KCNH8: variants seen among roughly 807,000 people sequenced by gnomAD.
KCNH8 encodes potassium voltage-gated channel subfamily H member 8.
KCNH8 carries 70 observed loss-of-function variants against 103.6 expected under a neutral mutation model. That is an observed-to-expected ratio of 0.68 (90% CI 0.56 to 0.82). The LOEUF (loss-of-function observed/expected upper bound fraction) is 0.82. KCNH8 is among the 40% of genes least tolerant of loss of function. KCNH8 has a pLI of 0.00. For missense variants in KCNH8, 1,217 were observed against 1,329.9 expected (o/e 0.92, Z 1.32); for synonymous variants, 498 against 489.4 (o/e 1.02, Z -0.23).
intron 1 of KCNH8, among the ~76,000 whole-genome samples, chr3:19,190,630 G>A (rs958195358): frequency 2.6e-5 from 4 of 151,910 alleles, no homozygotes; most frequent in Admixed American, 1.3e-4. Flanking sequence ...TAGCTGCATG[G>A]ACAAGAAGCC....
At chr3:19,503,583 G>A (rs1365659014) in intron 11 of KCNH8, among the ~76,000 whole-genome samples, 1 of 152,060 alleles carries the variant, frequency 6.6e-6, no homozygotes, top group African/African-American at 2.4e-5. Flanking sequence ...ATACACCATG[G>A]AATACTATGC....
At chr3:19,307,107 A>C (rs2065140198) in intron 3 of KCNH8, among the ~76,000 whole-genome samples, 1 of 151,966 alleles carries the variant, frequency 6.6e-6, no homozygotes, top group South Asian at 2.1e-4. Context: ...AGTGCCTAGA[A>C]TACTCACTGA....
chr3:19,486,503 G>C (rs2068212733), intron 11 of KCNH8, among the ~76,000 whole-genome samples: 1 of 152,228 alleles, frequency 6.6e-6, no homozygotes, highest in Non-Finnish European at 1.5e-5. Context: ...CCGGCCTTTG[G>C]AAACCCCATC....
chr3:19,336,464 TGAAAA>T lies in KCNH8; in HGVS notation c.443-6119_443-6115del, dbSNP rs898447474. ...CTGTTATGAATGTTCCATGAGCATA[TGAAAA>T]GAAGAGAAATTCTTTCTTTGGTAGA... is the stretch of plus-strand genomic sequence containing the variant. On this transcript the variant is annotated intron_variant, in intron 3 of 15. Coordinates refer to ENST00000328405, the MANE Select transcript of KCNH8 (RefSeq NM_144633.3). Among the ~76,000 whole-genome samples the T allele has an allele frequency of 3.9e-5, 6 of 152,026 alleles. No homozygotes were observed. The East Asian group carries it at 1.2e-3, about 29-fold the overall frequency.
At chr3:19,176,473 T>A (rs2063400750) in intron 1 of KCNH8, among the ~76,000 whole-genome samples, 2 of 152,160 alleles carry the variant, frequency 1.3e-5, no homozygotes, top group Admixed American at 1.3e-4. Context: ...TTGTGGTTAG[T>A]AGTGCATTTA....
chr3:19,362,901 C>CT (rs2065965478), intron 5 of KCNH8, among the ~76,000 whole-genome samples: 2 of 152,126 alleles, frequency 1.3e-5, no homozygotes, highest in Admixed American at 6.6e-5. Context: ...ATCCTCCCCC[C>CT]TTAGCCTCCC....
intron 7 of KCNH8, among the ~76,000 whole-genome samples, chr3:19,430,623 A>C (rs2067106463): frequency 6.6e-6 from 1 of 152,130 alleles, no homozygotes; most frequent in South Asian, 2.1e-4. Flanking sequence ...TGAGCATAGA[A>C]TGTTTTCCAT....
chr3:19,253,527 C>T, intron 1 of KCNH8, 127 bp from the exon 2 acceptor site: 1 of 730,132 alleles, frequency 1.4e-6, no homozygotes, highest in South Asian at 1.7e-5. Flanking sequence ...CTCTTTTCCA[C>T]TGCAGCACAT....
rs763822535 is a variant in KCNH8, at chr3:19,533,462, A to G, written c.2687A>G (p.Glu896Gly). The G allele has an allele frequency of 5.9e-5, 96 of 1,614,014 alleles. No individual in the cohort carries two copies. The highest frequency in any genetic ancestry group is 1.3e-4 in the Admixed American group (8 of 60,004). ...ATGAGAAATGTGATCCAGCTTCTGG[A>G]AAACGTTCTGTCACCTCAGCAGCCA... is the stretch of plus-strand genomic sequence containing the variant. ...KDMRNVIQLL[E>G]NVLSPQQPSR... Residue 896 changes from glutamate to glycine, a missense_variant, in exon 16 of 16, where the codon GAA becomes GGA. Glu to Gly is a moderately conservative substitution (Grantham distance 98). Coordinates refer to ENST00000328405, the MANE Select transcript of KCNH8 (RefSeq NM_144633.3).
intron 7 of KCNH8, 125 bp downstream of exon 7, chr3:19,395,436 A>T (rs1396032148): frequency 1.9e-5 from 12 of 618,274 alleles, no homozygotes; most frequent in Non-Finnish European, 3.0e-5. Flanking sequence ...TGTCTAATTA[A>T]TTTCTATTTT....
intron 9 of KCNH8, 91 bp from the exon 10 acceptor site, chr3:19,451,064 C>T (rs2067439906): frequency 8.0e-7 from 1 of 1,243,418 alleles, no homozygotes; most frequent in Admixed American, 1.8e-5. Context: ...CAGCAGGAGA[C>T]AGTAGGAAGA....
intron 1 of KCNH8, among the ~76,000 whole-genome samples, chr3:19,208,877 C>G (rs970084874): frequency 4.0e-5 from 6 of 151,890 alleles, no homozygotes; most frequent in African/African-American, 7.2e-5. Context: ...TTCACAGGAG[C>G]TCAATGTTAA....
At chr3:19,272,195 C>T (rs926514933) in intron 2 of KCNH8, among the ~76,000 whole-genome samples, 1 of 151,986 alleles carries the variant, frequency 6.6e-6, no homozygotes, top group African/African-American at 2.4e-5. Flanking sequence ...TTTGCCCATT[C>T]CTCCAGTGAG....
rs2063098190 is a variant in KCNH8, at chr3:19,148,597, G to A, written c.-123G>A. The A allele has an allele frequency of 2.2e-6, 2 of 906,358 alleles. No individual in the cohort carries two copies. Among genetic ancestry groups the A allele is most frequent in the East Asian group, 2.4e-5 (1 of 41,494 alleles). The allele number at this position is 906,358 out of a possible 1,614,324, so 56.1% of individuals were successfully genotyped here. A position where few individuals can be genotyped will look rare whatever the true frequency, so the allele number is the denominator to read the frequency against. On this transcript the variant is annotated 5_prime_UTR_variant, in exon 1 of 16. Transcript: ENST00000328405. ...CCTTCCACTTCCCCTGCTCGGCCCCGCCGTCAGGCCGGGTCCCCCTTCCCT... is the reference window on the plus strand; with the variant it reads ...CCTTCCACTTCCCCTGCTCGGCCCCACCGTCAGGCCGGGTCCCCCTTCCCT...
At chr3:19,308,289 TA>T (rs34959478) in intron 3 of KCNH8, among the ~76,000 whole-genome samples, 37,180 of 142,554 alleles carry the variant, frequency 0.26, 4,965 homozygotes, top group African/African-American at 0.35. Flanking sequence ...TTTCCCTCAT[TA>T]AAAAAAAAAA....
At chr3:19,438,448 A>G (rs2067232940) in intron 8 of KCNH8, 87 bp downstream of exon 8, 1 of 1,071,242 alleles carries the variant, frequency 9.3e-7, no homozygotes, top group Non-Finnish European at 1.4e-6. Flanking sequence ...GAAATACAAA[A>G]CAGATAAACT....
At chr3:19,287,123 A>C (rs961782832) in intron 3 of KCNH8, among the ~76,000 whole-genome samples, 2 of 151,988 alleles carry the variant, frequency 1.3e-5, no homozygotes, top group Admixed American at 1.3e-4. Flanking sequence ...AAAAAAGGTC[A>C]TAGGTGAGAT....
chr3:19,169,571 A>T (rs940798837), intron 1 of KCNH8, among the ~76,000 whole-genome samples: 1 of 151,976 alleles, frequency 6.6e-6, no homozygotes, highest in Non-Finnish European at 1.5e-5. Flanking sequence ...CTTTTCTAAC[A>T]TTGGAATGAA....
intron 7 of KCNH8, among the ~76,000 whole-genome samples, chr3:19,408,960 A>G (rs2066734906): frequency 6.6e-6 from 1 of 152,180 alleles, no homozygotes; most frequent in Admixed American, 6.5e-5. Context: ...GTAATCATTC[A>G]AGAAAATGTC....
Sources: gnomAD v4.1 joint callset for allele counts (sites outside exome capture counted in the v4.1 genomes callset) on GRCh38, gnomAD v4.1.1 for gene constraint, MANE v1.5 for transcripts, NCBI Gene and HGNC (gene_info 2026-07-23, HGNC 2026-07-21) for gene names.